The following SLC22A4 variants were observed in gnomAD, a reference collection of about 807,000 sequenced individuals.
SLC22A4 encodes solute carrier family 22 member 4, also known as ET transporter.
SLC22A4 carries 39 observed loss-of-function variants against 56.6 expected under a neutral mutation model. The ratio of observed to expected loss-of-function variants is 0.69; its 90% confidence interval spans 0.53 to 0.90. SLC22A4 has a LOEUF of 0.90. SLC22A4 is among the 40% of genes least tolerant of loss of function. SLC22A4 has a pLI of 0.00. For synonymous variants in SLC22A4, 241 were observed against 281.4 expected, an observed-to-expected ratio of 0.86 and a Z score of 1.44; for missense variants, 594 against 696.5, an observed-to-expected ratio of 0.85 and a Z score of 1.66.
At chr5:132,315,181 G>A (rs954217957) in intron 3 of SLC22A4, among the ~76,000 whole-genome samples, 3 of 152,142 alleles carry the variant, frequency 2.0e-5, no homozygotes, top group Admixed American at 6.5e-5. Context: ...TCCATGTGAC[G>A]ATCCTCCCTA....
intron 4 of SLC22A4, among the ~76,000 whole-genome samples, chr5:132,324,185 T>C (rs1276199336): frequency 6.6e-6 from 1 of 151,820 alleles, no homozygotes; most frequent in Non-Finnish European, 1.5e-5. Context: ...AATGAGATGC[T>C]GTCTCAAAAA....
chr5:132,295,552 G>A, intron 1 of SLC22A4: 4 of 320,218 alleles, frequency 1.2e-5, no homozygotes, highest in South Asian at 1.0e-4. Flanking sequence ...GGCTCATTGG[G>A]TGCAAGGAAG....
intron 9 of SLC22A4, among the ~76,000 whole-genome samples, chr5:132,342,411 C>CT (rs770400358): frequency 2.2e-4 from 34 of 152,160 alleles, no homozygotes; most frequent in Non-Finnish European, 3.5e-4. Context: ...AATTCAACAT[C>CT]TTTTTTTGGC....
In SLC22A4 at chr5:132,344,104, C is replaced by T. The variant is rs371985838; in HGVS notation, c.*269C>T. 3.8e-5 allele frequency: 16 copies of T among 418,050 alleles called. No homozygotes were observed. The highest frequency in any genetic ancestry group is 3.2e-4 in the African/African-American group (16 of 49,930). The allele number at this position is 418,050 out of a possible 1,614,324, so 25.9% of individuals were successfully genotyped here. ...GTCTTGAAAACATGTTAGTCAAGGACTGGTAAAATACATATAAAGATTAAC... is the reference window on the plus strand; with the variant it reads ...GTCTTGAAAACATGTTAGTCAAGGATTGGTAAAATACATATAAAGATTAAC... On this transcript the variant is annotated 3_prime_UTR_variant, in exon 10 of 10. Coordinates refer to ENST00000200652, the MANE Select transcript of SLC22A4 (RefSeq NM_003059.3).
At chr5:132,332,789 A>G (rs1440990564) in intron 6 of SLC22A4, among the ~76,000 whole-genome samples, 2 of 151,542 alleles carry the variant, frequency 1.3e-5, no homozygotes, top group African/African-American at 2.4e-5. Context: ...GAACTGGTAG[A>G]TTTAGGCTGC....
chr5:132,341,407 G>A (rs932803776), intron 9 of SLC22A4, among the ~76,000 whole-genome samples: 4 of 152,114 alleles, frequency 2.6e-5, no homozygotes, highest in African/African-American at 4.8e-5. Context: ...AACAGAGCTA[G>A]ACTCTGTCTC....
intron 1 of SLC22A4, among the ~76,000 whole-genome samples, chr5:132,299,401 TTTA>T (rs1166507376): frequency 1.5e-3 from 34 of 22,174 alleles, no homozygotes; most frequent in Admixed American, 4.5e-3. Context: ...TTCGTTTTAT[TTTA>T]TTTTATTTTA....
chr5:132,338,342 C>T (rs1304041664), intron 8 of SLC22A4, among the ~76,000 whole-genome samples: 1 of 152,114 alleles, frequency 6.6e-6, no homozygotes, highest in Admixed American at 6.5e-5. Context: ...TAGAATATCA[C>T]AAGGCAAATG....
intron 8 of SLC22A4, among the ~76,000 whole-genome samples, chr5:132,338,867 A>C (rs916828417): frequency 2.6e-5 from 4 of 152,222 alleles, no homozygotes; most frequent in African/African-American, 7.2e-5. Flanking sequence ...TAACGCAATC[A>C]TCACAGGGTC....
At chr5:132,297,337 C>T (rs1447008750) in intron 1 of SLC22A4, among the ~76,000 whole-genome samples, 1 of 151,816 alleles carries the variant, frequency 6.6e-6, no homozygotes. Flanking sequence ...AAACAAACAA[C>T]AACAACAACA....
intron 9 of SLC22A4, among the ~76,000 whole-genome samples, chr5:132,343,266 C>T (rs1012202993): frequency 6.6e-6 from 1 of 152,192 alleles, no homozygotes; most frequent in African/African-American, 2.4e-5. Flanking sequence ...GGGCATATCA[C>T]TTAATATTCA....
chr5:132,328,386 C>T (rs527412210), intron 5 of SLC22A4, among the ~76,000 whole-genome samples: 63 of 152,250 alleles, frequency 4.1e-4, no homozygotes, highest in African/African-American at 1.5e-3. Context: ...CATGCCACTG[C>T]TCACCCCCAC....
intron 1 of SLC22A4, among the ~76,000 whole-genome samples, chr5:132,305,898 G>A (rs1040332562): frequency 6.6e-6 from 1 of 152,150 alleles, no homozygotes; most frequent in African/African-American, 2.4e-5. Context: ...AAGTGGAAAA[G>A]CTTCCCATGT....
intron 2 of SLC22A4, 58 bp downstream of exon 2, chr5:132,312,322 C>T: frequency 9.4e-7 from 1 of 1,060,740 alleles, no homozygotes; most frequent in Admixed American, 1.7e-5. Flanking sequence ...CACTGCCTAT[C>T]TTGGGGCTGG....
At chr5:132,327,511 C>T (rs1750721298) in intron 5 of SLC22A4, 108 bp downstream of exon 5, 1 of 901,628 alleles carries the variant, frequency 1.1e-6, no homozygotes, top group East Asian at 2.4e-5. Flanking sequence ...CCAGGCATTG[C>T]ACTAGGCCTT....
Position 132,341,411 on chromosome 5 carries a change from C to G in SLC22A4, c.1580+711C>G, listed in dbSNP as rs567971200. On this transcript the variant is annotated intron_variant, in intron 9 of 9. Transcript: ENST00000200652. Reference sequence around the variant, plus strand: ...CCAGACTGGGCAACAGAGCTAGACTCTGTCTCAAAAATAATAATAATAGTA... The same window carrying G: ...CCAGACTGGGCAACAGAGCTAGACTGTGTCTCAAAAATAATAATAATAGTA... Among the ~76,000 whole-genome samples the G allele has an allele frequency of 3.9e-5, 6 of 152,180 alleles. No individual in the cohort carries two copies. The East Asian group carries it at 5.8e-4, about 15-fold the overall frequency.
intron 3 of SLC22A4, among the ~76,000 whole-genome samples, chr5:132,314,739 GC>G (rs1188820656): frequency 6.6e-6 from 1 of 152,252 alleles, no homozygotes; most frequent in Non-Finnish European, 1.5e-5. Flanking sequence ...CTTTGGAGAT[GC>G]TGCACTGTCT....
At chr5:132,342,057 A>G (rs1349721750) in intron 9 of SLC22A4, among the ~76,000 whole-genome samples, 1 of 152,236 alleles carries the variant, frequency 6.6e-6, no homozygotes, top group Non-Finnish European at 1.5e-5. Flanking sequence ...ACCTTAGAGA[A>G]GATCTTACTG....
In SLC22A4 at chr5:132,296,650, G is replaced by A. The variant is rs2126696477; in HGVS notation, c.393+1641G>A. 1.3e-5 allele frequency among the ~76,000 whole-genome samples: 2 copies of A among 152,356 alleles called. 1 individual carries two copies. Among genetic ancestry groups the A allele is most frequent in the South Asian group, 4.1e-4 (2 of 4,832 alleles). On this transcript the variant is annotated intron_variant, in intron 1 of 9. Coordinates refer to ENST00000200652, the MANE Select transcript of SLC22A4 (RefSeq NM_003059.3). ...TCTCTGGATTTGCTTCCCTAGCAGGGGCTCTAGTGCTTGCCCACTCCCTGC... is the reference window on the plus strand; with the variant it reads ...TCTCTGGATTTGCTTCCCTAGCAGGAGCTCTAGTGCTTGCCCACTCCCTGC...
Sources: allele counts gnomAD v4.1 joint callset (sites outside exome capture counted in the v4.1 genomes callset), GRCh38; gene constraint gnomAD v4.1.1; transcripts MANE v1.5; gene names NCBI Gene and HGNC (gene_info 2026-07-23, HGNC 2026-07-21).